Variants in ASXL3 observed in about 807,000 individuals in gnomAD.
The protein encoded by ASXL3 is ASXL transcriptional regulator 3, also known as putative Polycomb group protein ASXL3.
In ASXL3, 34 loss-of-function variants were observed where a neutral mutation model predicts 170.6. That is an observed-to-expected ratio of 0.20 (90% CI 0.15 to 0.27). The LOEUF (loss-of-function observed/expected upper bound fraction) is 0.27. Ranked by LOEUF, ASXL3 falls within the 10% of genes least tolerant of loss-of-function variation. The pLI, the probability that ASXL3 is intolerant of heterozygous loss-of-function variation, is 1.00. For missense variants in ASXL3, 2,592 were observed against 2,695.3 expected, an observed-to-expected ratio of 0.96 and a Z score of 0.85; for synonymous variants, 1,002 against 989.1, an observed-to-expected ratio of 1.01 and a Z score of -0.24.
At chr18:33,691,958 A>G (rs1423692551) in intron 8 of ASXL3, among the ~76,000 whole-genome samples, 2 of 152,198 alleles carry the variant, frequency 1.3e-5, no homozygotes, top group African/African-American at 4.8e-5. Flanking sequence ...CCCACTTTCT[A>G]TATGTAGAAG....
intron 10 of ASXL3, among the ~76,000 whole-genome samples, chr18:33,736,747 T>C (rs1053579783): frequency 3.3e-5 from 5 of 152,178 alleles, no homozygotes; most frequent in Admixed American, 2.0e-4. Flanking sequence ...TGTGAACTTG[T>C]GTCTAGATTT....
chr18:33,638,817 A>G (rs2065807114), intron 2 of ASXL3, among the ~76,000 whole-genome samples: 1 of 152,144 alleles, frequency 6.6e-6, no homozygotes, highest in African/African-American at 2.4e-5. Flanking sequence ...GCCCAGGCAC[A>G]TTATAGATGC....
At chr18:33,622,575 G>T (rs1275993220) in intron 2 of ASXL3, among the ~76,000 whole-genome samples, 1 of 152,114 alleles carries the variant, frequency 6.6e-6, no homozygotes, top group African/African-American at 2.4e-5. Context: ...GCATGTTGCA[G>T]TCTGAAGGTG....
chr18:33,745,554 C>G lies in ASXL3; in HGVS notation c.5706C>G (p.Pro1902=), dbSNP rs1257744904. Residue 1902 remains proline, a synonymous_variant, in exon 12 of 12, where the codon CCC becomes CCG. Transcript: ENST00000269197. ...PEVKQQKRLL[P]SCSFQQNLFH... is the part of the protein sequence containing the mutation. ...TCAAACAGCAAAAGCGGCTGCTCCC[C>G]TCGTGTAGCTTCCAGCAGAACCTAT... The G allele has an allele frequency of 1.4e-5, 23 of 1,613,990 alleles. No homozygotes were observed. In the East Asian group the frequency reaches 5.1e-4, roughly 36 times the overall value.
At chr18:33,600,379 T>C (rs1224363042) in intron 1 of ASXL3, among the ~76,000 whole-genome samples, 1 of 152,134 alleles carries the variant, frequency 6.6e-6, no homozygotes, top group Admixed American at 6.6e-5. Flanking sequence ...CTAGGATTAC[T>C]TGATAGAAAT....
intron 1 of ASXL3, 43 bp from the exon 2 acceptor site, chr18:33,607,551 T>C: frequency 7.1e-7 from 1 of 1,416,786 alleles, no homozygotes; most frequent in Non-Finnish European, 9.7e-7. Flanking sequence ...TCATTTTGTA[T>C]GCTGCCATGC....
intron 7 of ASXL3, among the ~76,000 whole-genome samples, chr18:33,677,389 T>C (rs1234135561): frequency 6.6e-6 from 1 of 152,130 alleles, no homozygotes; most frequent in Non-Finnish European, 1.5e-5. Context: ...TATTATACCA[T>C]TTTAATTAAA....
intron 8 of ASXL3, among the ~76,000 whole-genome samples, chr18:33,716,897 T>TAA (rs11378870): frequency 0.046 from 6,673 of 143,760 alleles, 494 homozygotes; most frequent in African/African-American, 0.15. Flanking sequence ...ATTTGCTGGT[T>TAA]AAAAAAAAAA....
rs146415509 is a variant in ASXL3 at position 33,628,801 on chromosome 18, C to A, written c.138-16093C>A. 1.6e-4 allele frequency among the ~76,000 whole-genome samples: 24 copies of A among 152,214 alleles called. No homozygotes were observed. In the East Asian group the frequency reaches 4.1e-3, roughly 26 times the overall value. On this transcript the variant is annotated intron_variant, in intron 2 of 11. Transcript: ENST00000269197. ...CACTGCTTTTAAGTATAACATGGTA[C>A]ATATGACAGAGATGTGGTGAATTCT...
chr18:33,712,491 C>T (rs2067084822), intron 8 of ASXL3, among the ~76,000 whole-genome samples: 1 of 152,166 alleles, frequency 6.6e-6, no homozygotes, highest in Non-Finnish European at 1.5e-5. Flanking sequence ...TTTTGTATTT[C>T]AGACTGCTCT....
At chr18:33,650,770 G>A (rs547435741) in intron 4 of ASXL3, among the ~76,000 whole-genome samples, 6 of 152,070 alleles carry the variant, frequency 3.9e-5, no homozygotes, top group Non-Finnish European at 8.8e-5. Flanking sequence ...AAATTACTTT[G>A]GGAAAGCAGT....
intron 4 of ASXL3, among the ~76,000 whole-genome samples, chr18:33,658,911 C>G (rs2066127235): frequency 6.6e-6 from 1 of 152,070 alleles, no homozygotes; most frequent in African/African-American, 2.4e-5. Flanking sequence ...CCTGCCCTCC[C>G]TCTGAAATTC....
chr18:33,589,981 A>G (rs2079956219), intron 1 of ASXL3, among the ~76,000 whole-genome samples: 1 of 152,158 alleles, frequency 6.6e-6, no homozygotes, highest in African/African-American at 2.4e-5. Context: ...TCTCCCGGTT[A>G]CAAGTGAAAC....
At chr18:33,622,544 A>T (rs1396025952) in intron 2 of ASXL3, among the ~76,000 whole-genome samples, 1 of 152,190 alleles carries the variant, frequency 6.6e-6, no homozygotes, top group East Asian at 1.9e-4. Context: ...TAAATGACAT[A>T]ATCAAATAGA....
chr18:33,702,967 C>A (rs576503546), intron 8 of ASXL3, among the ~76,000 whole-genome samples: 1 of 152,054 alleles, frequency 6.6e-6, no homozygotes, highest in African/African-American at 2.4e-5. Flanking sequence ...TTCAACAATG[C>A]GGTGGGCATA....
intron 2 of ASXL3, among the ~76,000 whole-genome samples, chr18:33,633,668 C>T (rs965604910): frequency 6.6e-6 from 1 of 151,548 alleles, no homozygotes; most frequent in Admixed American, 6.6e-5. Context: ...ATGGCAAAAC[C>T]CTGTCTCTAC....
intron 7 of ASXL3, among the ~76,000 whole-genome samples, chr18:33,676,051 C>G (rs760233031): frequency 6.6e-6 from 1 of 151,222 alleles, no homozygotes; most frequent in East Asian, 1.9e-4. Flanking sequence ...AGTGAAACCC[C>G]GTCTCTACTA....
intron 10 of ASXL3, 71 bp downstream of exon 10, chr18:33,734,486 C>A: frequency 2.0e-6 from 2 of 981,358 alleles, no homozygotes; most frequent in Non-Finnish European, 3.0e-6. Flanking sequence ...CTTCACATAG[C>A]ACACTCATAT....
At chr18:33,627,749 T>G (rs2065623173) in intron 2 of ASXL3, among the ~76,000 whole-genome samples, 1 of 152,212 alleles carries the variant, frequency 6.6e-6, no homozygotes, top group South Asian at 2.1e-4. Flanking sequence ...AAATACTGCC[T>G]CTACTTTGCC....
Sources: gnomAD v4.1 joint callset for allele counts (sites outside exome capture counted in the v4.1 genomes callset) on GRCh38, gnomAD v4.1.1 for gene constraint, MANE v1.5 for transcripts, NCBI Gene and HGNC (gene_info 2026-07-23, HGNC 2026-07-21) for gene names.